Variants in ALDH8A1 observed in about 807,000 individuals in gnomAD.
The protein encoded by ALDH8A1 is aldehyde dehydrogenase 8 family member A1.
In ALDH8A1, 39 loss-of-function variants were observed where a neutral mutation model predicts 43.3. The ratio of observed to expected loss-of-function variants is 0.90; its 90% CI spans 0.70 to 1.18. The LOEUF is 1.18. Ranked by LOEUF, ALDH8A1 falls within the 50% of genes most tolerant of loss-of-function variation. The pLI, the probability that ALDH8A1 is intolerant of heterozygous loss-of-function variation, is 0.00. For synonymous variants in ALDH8A1, 233 were observed against 243.5 expected (o/e 0.96, Z 0.40); for missense variants, 605 against 622.6 (o/e 0.97, Z 0.30).
chr6:134,932,654 A>C, intron 5 of ALDH8A1, 122 bp downstream of exon 5: 1 of 1,378,982 alleles, frequency 7.3e-7, no homozygotes, highest in Non-Finnish European at 9.9e-7. Context: ...CAATGTACTG[A>C]TCCTGCTTTC....
chr6:134,929,652 T>G (rs1356488238), intron 5 of ALDH8A1, among the ~76,000 whole-genome samples: 1 of 151,998 alleles, frequency 6.6e-6, no homozygotes, highest in African/African-American at 2.4e-5. Context: ...AGGAATGAAC[T>G]GGTGTGCATG....
intron 6 of ALDH8A1, among the ~76,000 whole-genome samples, chr6:134,922,738 A>G (rs1322308422): frequency 6.6e-6 from 1 of 152,182 alleles, no homozygotes; most frequent in East Asian, 1.9e-4. Flanking sequence ...CCTTTGAAGC[A>G]GTGGAATTTT....
At position 134,923,183 on chromosome 6, in the gene ALDH8A1, C is replaced by G. The variant is rs142811353; in HGVS notation, c.1012-4316G>C. On this transcript the variant is annotated intron_variant, in intron 6 of 6. Coordinates refer to ENST00000265605, the MANE Select transcript of ALDH8A1 (RefSeq NM_022568.4). ...CTGGGACTACAGGCACGCACTACCA[C>G]GCCTGGCTAAATTTTTTTGTATAAT... Among the ~76,000 whole-genome samples, 736 of 152,126 alleles carry G rather than the reference C, an allele frequency of 4.8e-3. 4 individuals are homozygous for G. Among genetic ancestry groups the G allele is most frequent in the African/African-American group, 0.017 (689 of 41,492 alleles).
chr6:134,946,332 C>T (rs1773948722), intron 1 of ALDH8A1, among the ~76,000 whole-genome samples: 1 of 152,204 alleles, frequency 6.6e-6, no homozygotes, highest in Non-Finnish European at 1.5e-5. Flanking sequence ...GGAAGCCCCA[C>T]TGCCAGCCAG....
At chr6:134,942,080 T>G in intron 3 of ALDH8A1, 1 of 165,556 alleles carries the variant, frequency 6.0e-6, no homozygotes, top group Non-Finnish European at 1.3e-5. Context: ...AATTAGCCGG[T>G]GTGGTAGCTC....
At chr6:134,933,093 T>C (rs1562255321) in intron 4 of ALDH8A1, 61 bp from the exon 5 acceptor site, 1 of 1,466,410 alleles carries the variant, frequency 6.8e-7, no homozygotes. Context: ...TCAAGTTACT[T>C]GGAAATTCTC....
intron 2 of ALDH8A1, among the ~76,000 whole-genome samples, chr6:134,943,087 G>C (rs994089627): frequency 6.6e-6 from 1 of 152,168 alleles, no homozygotes; most frequent in East Asian, 1.9e-4. Context: ...TGCCCTGCAC[G>C]TCCTAGCTCC....
chr6:134,928,985 T>A, intron 6 of ALDH8A1, 69 bp downstream of exon 6: 1 of 1,527,824 alleles, frequency 6.5e-7, no homozygotes, highest in South Asian at 1.2e-5. Flanking sequence ...CTGATTGTGC[T>A]ATGCCTGTAC....
intron 4 of ALDH8A1, among the ~76,000 whole-genome samples, chr6:134,938,938 C>T (rs1773799509): frequency 6.6e-6 from 1 of 152,184 alleles, no homozygotes; most frequent in Non-Finnish European, 1.5e-5. Flanking sequence ...TGAACCACCA[C>T]ACCTGGCCCC....
At position 134,918,842 on chromosome 6, in the gene ALDH8A1, A is replaced by G; in HGVS notation, c.1037T>C (p.Leu346Pro). Residue 346 changes from leucine (L) to proline (P), a missense_variant, in exon 7 of 7, where the codon CTT (leucine) becomes CCT (proline). Leu to Pro is a moderately conservative substitution (Grantham distance 98). Coordinates refer to ENST00000265605, the MANE Select transcript of ALDH8A1 (RefSeq NM_022568.4). ...EKVRSYVKRA[L>P]AEGAQIWCGE... The stretch of plus-strand genomic sequence containing the variant: ...GCACCAAATTTGGGCACCTTCAGCA[A>G]GAGCTCTCTTGACGTAACTTCTGAC... The G allele has an allele frequency of 6.2e-7, 1 of 1,614,122 alleles. No individual in the cohort carries two copies.
chr6:134,921,012 G>A (rs1459549526), intron 6 of ALDH8A1, among the ~76,000 whole-genome samples: 8 of 152,310 alleles, frequency 5.3e-5, no homozygotes, highest in Non-Finnish European at 8.8e-5. Context: ...GGGCTCTTGA[G>A]AGGATTAAAT....
intron 1 of ALDH8A1, among the ~76,000 whole-genome samples, chr6:134,947,203 A>G (rs1773968900): frequency 6.6e-6 from 1 of 152,186 alleles, no homozygotes; most frequent in Non-Finnish European, 1.5e-5. Flanking sequence ...CTAGACCCCT[A>G]TCTCTCACCA....
chr6:134,926,535 A>G lies in ALDH8A1; in HGVS notation c.1011+2519T>C, dbSNP rs963454055. The stretch of plus-strand genomic sequence containing the variant: ...CTTAAAAAAGGCAGTGTGGCCAGGC[A>G]TGGTGGCTCACACCTGTAATCCCAG... On this transcript the variant is annotated intron_variant, in intron 6 of 6. Coordinates refer to ENST00000265605, the MANE Select transcript of ALDH8A1 (RefSeq NM_022568.4). Among the ~76,000 whole-genome samples, 5 of 150,982 alleles carry G rather than the reference A, an allele frequency of 3.3e-5. No homozygotes were observed. The East Asian group carries it at 1.0e-3, about 30-fold the overall frequency.
Position 134,933,911 on chromosome 6 carries a change from G to T in ALDH8A1, c.593-879C>A, listed in dbSNP as rs529673140. Among the ~76,000 whole-genome samples the T allele has an allele frequency of 2.1e-3, 313 of 152,208 alleles. 5 individuals carry two copies. The highest frequency in any genetic ancestry group is 0.014 in the Middle Eastern group (4 of 294). ...TTTAGTAGAGAGGGGATTTCATCAT[G>T]TTGGCCAGGCTGGTCTCGAACTCCT... On this transcript the variant is annotated intron_variant, in intron 4 of 6. Coordinates refer to ENST00000265605, the MANE Select transcript of ALDH8A1 (RefSeq NM_022568.4).
chr6:134,944,090 T>A (rs1773910241), intron 1 of ALDH8A1, 124 bp from the exon 2 acceptor site: 6 of 1,329,526 alleles, frequency 4.5e-6, no homozygotes, highest in Non-Finnish European at 6.0e-6. Flanking sequence ...GTTTTTTAGA[T>A]GGATTCTCAC....
rs927604290 is a variant in ALDH8A1, at chr6:134,923,310, A to C, written c.1012-4443T>G. Among the ~76,000 whole-genome samples, 8 of 152,156 alleles carry C rather than the reference A, an allele frequency of 5.3e-5. No homozygotes were observed. The East Asian group carries it at 1.2e-3, about 22-fold the overall frequency. Reference sequence around the variant, plus strand: ...CTCCCACAGTGCTAGGATTACAGGCATGAGCCACCGTGCCCAGCGAAGGTT... The same window carrying C: ...CTCCCACAGTGCTAGGATTACAGGCCTGAGCCACCGTGCCCAGCGAAGGTT... On this transcript the variant is annotated intron_variant, in intron 6 of 6. Coordinates refer to ENST00000265605, the MANE Select transcript of ALDH8A1 (RefSeq NM_022568.4).
chr6:134,918,551 A>C lies in ALDH8A1; in HGVS notation c.1328T>G (p.Val443Gly). The change falls in exon 7 of 7, where the codon GTC becomes GGC. Residue 443 changes from valine (V) to glycine (G), a missense_variant. Physicochemically the swap from Val to Gly is moderately radical, Grantham distance 109. Coordinates refer to ENST00000265605, the MANE Select transcript of ALDH8A1 (RefSeq NM_022568.4). ...RVAKKLQSGL[V>G]WTNCWLIREL... ...CCTGATGAGCCAGCAGTTGGTCCAG[A>C]CCAAGCCAGACTGCAGCTTCTTAGC... 1 of 1,614,168 alleles carries C rather than the reference A, an allele frequency of 6.2e-7. No homozygotes were observed. The highest frequency in any genetic ancestry group is 8.5e-7 in the Non-Finnish European group (1 of 1,180,024).
Position 134,918,992 on chromosome 6 carries a change from T to A in ALDH8A1, c.1012-125A>T, listed in dbSNP as rs1776755023. Reference sequence around the variant, plus strand: ...AAGGTCATTCCTAAGAAATCTATGGTCGATTATCTTATCACTCAGCTGCTA... The same window carrying A: ...AAGGTCATTCCTAAGAAATCTATGGACGATTATCTTATCACTCAGCTGCTA... On this transcript the variant is annotated intron_variant, in intron 6 of 6. Transcript: ENST00000265605. 7.2e-6 allele frequency: 8 copies of A among 1,107,516 alleles called. 1 individual carries two copies. The South Asian group carries it at 9.5e-5, about 13-fold the overall frequency. The allele number at this position is 1,107,516 out of a possible 1,614,324, so 68.6% of individuals were successfully genotyped here. A position where few individuals can be genotyped will look rare whatever the true frequency, so the allele number is the denominator to read the frequency against.
intron 1 of ALDH8A1, among the ~76,000 whole-genome samples, chr6:134,949,200 T>C (rs1774002888): frequency 6.6e-6 from 1 of 152,182 alleles, no homozygotes; most frequent in South Asian, 2.1e-4. Context: ...ATCAGCTACA[T>C]TTACCACTTC....
Sources: gnomAD v4.1 joint callset for allele counts (sites outside exome capture counted in the v4.1 genomes callset) on GRCh38, gnomAD v4.1.1 for gene constraint, MANE v1.5 for transcripts, NCBI Gene and HGNC (gene_info 2026-07-23, HGNC 2026-07-21) for gene names.